Variants in OR9Q2 observed in about 807,000 individuals in gnomAD.
The protein encoded by OR9Q2 is olfactory receptor family 9 subfamily Q member 2, also known as olfactory receptor 9Q2.
OR9Q2 carries 2 observed loss-of-function variants against 2.3 expected under a neutral mutation model. The observed-to-expected ratio is 0.85, with a 90% CI of 0.35 to 2.68. The LOEUF is 2.68. OR9Q2 is among the 30% of genes most tolerant of loss of function. The pLI is 0.10. For synonymous variants in OR9Q2, 178 were observed against 158.6 expected, an observed-to-expected ratio of 1.12 and a Z score of -0.92; for missense variants, 404 against 395.7, an observed-to-expected ratio of 1.02 and a Z score of -0.18.
Position 58,190,936 on chromosome 11 carries a change from A to G in OR9Q2, c.446A>G (p.Tyr149Cys), listed in dbSNP as rs1399630558. Reference protein sequence around the residue: ...KARWGLVTGAYVAGFFSAFVR... With the variant: ...KARWGLVTGACVAGFFSAFVR... Reference sequence around the variant, plus strand: ...CGCTGGGGCCTAGTCACTGGGGCTTACGTTGCTGGTTTTTTCAGTGCCTTT... The same window carrying G: ...CGCTGGGGCCTAGTCACTGGGGCTTGCGTTGCTGGTTTTTTCAGTGCCTTT... The change falls in exon 2 of 2, where the codon TAC (tyrosine) becomes TGC (cysteine). Residue 149 changes from tyrosine (Y) to cysteine (C), a missense_variant. By Grantham distance (194) the Tyr-to-Cys change is radical (BLOSUM62 -2). Transcript: ENST00000641291. 6.2e-7 allele frequency: 1 copy of G among 1,614,180 alleles called. No homozygotes were observed. Among genetic ancestry groups the G allele is most frequent in the South Asian group, 1.1e-5 (1 of 91,076 alleles).
Position 58,190,961 on chromosome 11 carries a change from TG to T in OR9Q2, c.472del (p.Val158PhefsTer28). 1 of 1,614,226 alleles carries T rather than the reference TG, an allele frequency of 6.2e-7. No homozygotes were observed. The highest frequency in any genetic ancestry group is 8.5e-7 in the Non-Finnish European group (1 of 1,180,036). ...AYVAGFFSAF[V>X]RTVTAFTLSF... ...ACGTTGCTGGTTTTTTCAGTGCCTT[TG>T]TTCGAACGGTCACAGCCTTCACTCT... On this transcript the variant is annotated frameshift_variant, in exon 2 of 2. Transcript: ENST00000641291. LOFTEE classifies it high-confidence loss of function.
rs901764697 is a variant in OR9Q2 at position 58,193,458 on chromosome 11, C to A, written c.*2023C>A. The A allele has an allele frequency of 3.3e-5, 5 of 152,122 alleles. No homozygotes were observed. Among genetic ancestry groups the A allele is most frequent in the African/African-American group, 1.2e-4 (5 of 41,418 alleles). The allele number at this position is 152,122 out of a possible 1,614,324, so 9.4% of individuals were successfully genotyped here. On this transcript the variant is annotated 3_prime_UTR_variant, in exon 2 of 2. Transcript: ENST00000641291. ...GTTAATGAAAAGTAATTTTTATTGA[C>A]CCCATTTAGCAAAACAAAAAAGAAA...
chr11:58,189,311 C>G (rs1014735577), intron 1 of OR9Q2, among the ~76,000 whole-genome samples: 4 of 152,098 alleles, frequency 2.6e-5, no homozygotes, highest in African/African-American at 9.7e-5. Context: ...AACTGAAGCC[C>G]AGAGAGGAAA....
Position 58,190,440 on chromosome 11 carries a change from G to A in OR9Q2, c.-51G>A, listed in dbSNP as rs768709421. On this transcript the variant is annotated 5_prime_UTR_variant, in exon 2 of 2. Coordinates refer to ENST00000641291, the MANE Select transcript of OR9Q2 (RefSeq NM_001005283.3). ...AAATCATTTGAACTCCTCTTGAGCT[G>A]TCCCCTCATCTGGCTCTTGTCTTAG... The A allele has an allele frequency of 2.9e-5, 37 of 1,262,318 alleles. No individual in the cohort carries two copies. Among genetic ancestry groups the A allele is most frequent in the East Asian group, 1.4e-4 (6 of 43,104 alleles). The allele number at this position is 1,262,318 out of a possible 1,614,324, so 78.2% of individuals were successfully genotyped here. A position where few individuals can be genotyped will look rare whatever the true frequency, so the allele number is the denominator to read the frequency against.
rs2867403 is a variant in OR9Q2, at chr11:58,192,733, A to G, written c.*1298A>G. The G allele has an allele frequency of 0.99, 150,620 of 152,324 alleles. 74,489 individuals carry two copies. The highest frequency in any genetic ancestry group is 1 in the Middle Eastern group (294 of 294). The allele number at this position is 152,324 out of a possible 1,614,324, so 9.4% of individuals were successfully genotyped here. A position where few individuals can be genotyped will look rare whatever the true frequency, so the allele number is the denominator to read the frequency against. ...AGGAAAAGGTATAGGGAAAAAATGA[A>G]CACCTATGGCCAAGAGGTTTGGGAT... On this transcript the variant is annotated 3_prime_UTR_variant, in exon 2 of 2. Transcript: ENST00000641291.
chr11:58,189,298 G>A lies in OR9Q2; in HGVS notation c.-173+190G>A, dbSNP rs149459577. On this transcript the variant is annotated intron_variant, in intron 1 of 1. Coordinates refer to ENST00000641291, the MANE Select transcript of OR9Q2 (RefSeq NM_001005283.3). The stretch of plus-strand genomic sequence containing the variant: ...ATTTACGGAAAGGGAACAAAGGCAA[G>A]GTAACTGAAGCCCAGAGAGGAAACG... Among the ~76,000 whole-genome samples, 799 of 152,300 alleles carry A rather than the reference G, an allele frequency of 5.2e-3. 7 individuals are homozygous for A. The highest frequency in any genetic ancestry group is 0.019 in the African/African-American group (769 of 41,550).
Position 58,191,206 on chromosome 11 carries a change from C to T in OR9Q2, c.716C>T (p.Ser239Phe), listed in dbSNP as rs1288913776. Reference sequence around the variant, plus strand: ...GCTGGAGGCCGGGCCAAGACCTTCTCCACCTGCGCCTCCCACCTCACTGCC... The same window carrying T: ...GCTGGAGGCCGGGCCAAGACCTTCTTCACCTGCGCCTCCCACCTCACTGCC... The part of the protein sequence containing the change: ...HSAGGRAKTF[S>F]TCASHLTAVA... The change falls in exon 2 of 2, where the codon TCC (serine) becomes TTC (phenylalanine). Residue 239 changes from serine to phenylalanine, a missense_variant. Ser to Phe is a radical substitution (Grantham distance 155, BLOSUM62 -2). Coordinates refer to ENST00000641291, the MANE Select transcript of OR9Q2 (RefSeq NM_001005283.3). 23 of 1,614,062 alleles carry T rather than the reference C, an allele frequency of 1.4e-5. No homozygotes were observed. The highest frequency in any genetic ancestry group is 1.9e-5 in the Non-Finnish European group (23 of 1,180,040).
Position 58,190,495 on chromosome 11 carries a change from C to T in OR9Q2, c.5C>T (p.Ala2Val). 1.2e-6 allele frequency: 2 copies of T among 1,610,544 alleles called. No individual in the cohort carries two copies. Among genetic ancestry groups the T allele is most frequent in the Non-Finnish European group, 1.7e-6 (2 of 1,177,410 alleles). Residue 2 changes from alanine (A) to valine (V), a missense_variant, in exon 2 of 2, where the codon GCT (alanine) becomes GTT (valine). Ala to Val is a moderately conservative substitution (Grantham distance 64). Coordinates refer to ENST00000641291, the MANE Select transcript of OR9Q2 (RefSeq NM_001005283.3). ...TGCAGGTGAACCACTGGATGGATGG[C>T]TGAAAGGAATTACACCGTAGTGACG... M[A>V]ERNYTVVTEF... is the part of the protein sequence containing the mutation.
intron 1 of OR9Q2, 102 bp from the exon 2 acceptor site, chr11:58,190,217 G>T (rs1854744810): frequency 2.4e-6 from 1 of 418,730 alleles, no homozygotes; most frequent in Non-Finnish European, 4.3e-6. Flanking sequence ...GCTAATTGGG[G>T]ACAGAGTTGC....
rs1185101222 is a variant in OR9Q2, at chr11:58,193,701, T to C, written c.*2266T>C. 9 of 152,194 alleles carry C rather than the reference T, an allele frequency of 5.9e-5. No homozygotes were observed. The highest frequency in any genetic ancestry group is 1.2e-4 in the Non-Finnish European group (8 of 68,050). 9.4% of individuals were successfully genotyped at this position (152,194 alleles called of 1,614,324 possible). A position where few individuals can be genotyped will look rare whatever the true frequency, so the allele number is the denominator to read the frequency against. On this transcript the variant is annotated 3_prime_UTR_variant, in exon 2 of 2. Transcript: ENST00000641291. ...ATTTCAGTTGCATTCTTGATCTCCA[T>C]GTTTGGTAGGTGTGGGCTGAGATGG...
rs1854745612 is a variant in OR9Q2 at position 58,190,322 on chromosome 11, G to A, written c.-169G>A. On this transcript the variant is annotated 5_prime_UTR_variant, in exon 2 of 2. Transcript: ENST00000641291. ...CACTTTTTATCTTATATTACAGTGAGCTCAATATCTGTCTATATCTATCTT... is the reference window on the plus strand; with the variant it reads ...CACTTTTTATCTTATATTACAGTGAACTCAATATCTGTCTATATCTATCTT... 5.1e-6 allele frequency: 3 copies of A among 589,918 alleles called. No individual in the cohort carries two copies. The highest frequency in any genetic ancestry group is 2.2e-5 in the South Asian group (1 of 45,484). The allele number at this position is 589,918 out of a possible 1,614,324, so 36.5% of individuals were successfully genotyped here. A position where few individuals can be genotyped will look rare whatever the true frequency, so the allele number is the denominator to read the frequency against.
At position 58,191,218 on chromosome 11, in the gene OR9Q2, C is replaced by G. The variant is rs778150232; in HGVS notation, c.728C>G (p.Ser243Cys). 3.7e-6 allele frequency: 6 copies of G among 1,614,168 alleles called. No individual in the cohort carries two copies. The highest frequency in any genetic ancestry group is 1.1e-5 in the South Asian group (1 of 91,084). Reference sequence around the variant, plus strand: ...GCCAAGACCTTCTCCACCTGCGCCTCCCACCTCACTGCCGTCGCTCTTTTC... The same window carrying G: ...GCCAAGACCTTCTCCACCTGCGCCTGCCACCTCACTGCCGTCGCTCTTTTC... ...GRAKTFSTCA[S>C]HLTAVALFFG... Residue 243 changes from serine to cysteine, a missense_variant, in exon 2 of 2, where the codon TCC (serine) becomes TGC (cysteine). Physicochemically the swap from Ser to Cys is moderately radical, Grantham distance 112 (BLOSUM62 -1). Transcript: ENST00000641291.
At position 58,191,112 on chromosome 11, in the gene OR9Q2, C is replaced by A; in HGVS notation, c.622C>A (p.Pro208Thr). 6.2e-7 allele frequency: 1 copy of A among 1,614,164 alleles called. No homozygotes were observed. The highest frequency in any genetic ancestry group is 1.1e-5 in the South Asian group (1 of 91,084). The change falls in exon 2 of 2, where the codon CCT (proline) becomes ACT (threonine). Residue 208 changes from proline to threonine, a missense_variant. Physicochemically the swap from Pro to Thr is conservative, Grantham distance 38. Coordinates refer to ENST00000641291, the MANE Select transcript of OR9Q2 (RefSeq NM_001005283.3). ...TATTGTGTTTGCTCTTTTCGTCATG[C>A]CTGCCTGTATCTTGGTGATCTTGGT... ...VIIVFALFVMPACILVILVSY... is the reference protein window; with the variant it reads ...VIIVFALFVMTACILVILVSY...
In OR9Q2 at chr11:58,191,188, G is replaced by A. The variant is rs150354129; in HGVS notation, c.698G>A (p.Gly233Asp). Reference sequence around the variant, plus strand: ...ATCCTGCAGATCCACTCTGCTGGAGGCCGGGCCAAGACCTTCTCCACCTGC... The same window carrying A: ...ATCCTGCAGATCCACTCTGCTGGAGACCGGGCCAAGACCTTCTCCACCTGC... The part of the protein sequence containing the change: ...VAILQIHSAG[G>D]RAKTFSTCAS... The change falls in exon 2 of 2, where the codon GGC becomes GAC. Residue 233 changes from glycine to aspartate, a missense_variant. Transcript: ENST00000641291. 38 of 1,614,098 alleles carry A rather than the reference G, an allele frequency of 2.4e-5. No individual in the cohort carries two copies. The African/African-American group carries it at 4.9e-4, about 21-fold the overall frequency.
rs960878338 is a variant in OR9Q2 at position 58,193,876 on chromosome 11, G to C, written c.*2441G>C. The C allele has an allele frequency of 1.3e-5, 2 of 152,202 alleles. No homozygotes were observed. The highest frequency in any genetic ancestry group is 2.4e-5 in the African/African-American group (1 of 41,450). 9.4% of individuals were successfully genotyped at this position (152,202 alleles called of 1,614,324 possible). A position where few individuals can be genotyped will look rare whatever the true frequency, so the allele number is the denominator to read the frequency against. On this transcript the variant is annotated 3_prime_UTR_variant, in exon 2 of 2. Coordinates refer to ENST00000641291, the MANE Select transcript of OR9Q2 (RefSeq NM_001005283.3). The stretch of plus-strand genomic sequence containing the variant: ...AAGTATTGCCTTCAAAGCCCTTCCA[G>C]AATATCTCTTGGCTCAGAGTGCTTC...
chr11:58,192,433 C>T lies in OR9Q2; in HGVS notation c.*998C>T, dbSNP rs977266965. On this transcript the variant is annotated 3_prime_UTR_variant, in exon 2 of 2. Coordinates refer to ENST00000641291, the MANE Select transcript of OR9Q2 (RefSeq NM_001005283.3). Reference sequence around the variant, plus strand: ...TGCCTATTCTATATAATCACTCAACCGGAATTTATTGTTATTGCTCTTTTC... The same window carrying T: ...TGCCTATTCTATATAATCACTCAACTGGAATTTATTGTTATTGCTCTTTTC... 1.3e-5 allele frequency: 2 copies of T among 152,072 alleles called. No homozygotes were observed. Among genetic ancestry groups the T allele is most frequent in the African/African-American group, 2.4e-5 (1 of 41,396 alleles). The allele number at this position is 152,072 out of a possible 1,614,324, so 9.4% of individuals were successfully genotyped here.
At position 58,191,478 on chromosome 11, in the gene OR9Q2, T is replaced by C. The variant is rs1854764755; in HGVS notation, c.*43T>C. On this transcript the variant is annotated 3_prime_UTR_variant, in exon 2 of 2. Transcript: ENST00000641291. The stretch of plus-strand genomic sequence containing the variant: ...ATATCATTCCTTAGTTTCCCCATCT[T>C]TTCTGTCTTTTCTCAATAGCACCTT... The C allele has an allele frequency of 1.4e-6, 2 of 1,379,484 alleles. No individual in the cohort carries two copies. Among genetic ancestry groups the C allele is most frequent in the Middle Eastern group, 1.9e-4 (1 of 5,378 alleles). The allele number at this position is 1,379,484 out of a possible 1,614,324, so 85.5% of individuals were successfully genotyped here. A position where few individuals can be genotyped will look rare whatever the true frequency, so the allele number is the denominator to read the frequency against.
In OR9Q2 at chr11:58,191,404, T is replaced by G. The variant is rs779485560; in HGVS notation, c.914T>G (p.Leu305Arg). The change falls in exon 2 of 2, where the codon CTG becomes CGG. Residue 305 changes from leucine to arginine, a missense_variant. Coordinates refer to ENST00000641291, the MANE Select transcript of OR9Q2 (RefSeq NM_001005283.3). ...KEVKEATRKALSKSKPARRP is the reference protein window; with the variant it reads ...KEVKEATRKARSKSKPARRP ...GTAAAAGAGGCCACTAGGAAAGCCCTGAGCAAATCAAAGCCTGCTAGAAGA... is the reference window on the plus strand; with the variant it reads ...GTAAAAGAGGCCACTAGGAAAGCCCGGAGCAAATCAAAGCCTGCTAGAAGA... The G allele has an allele frequency of 4.4e-6, 7 of 1,607,748 alleles. No individual in the cohort carries two copies. The highest frequency in any genetic ancestry group is 5.9e-6 in the Non-Finnish European group (7 of 1,176,822).
At position 58,191,032 on chromosome 11, in the gene OR9Q2, T is replaced by C; in HGVS notation, c.542T>C (p.Leu181Pro). 6.2e-7 allele frequency: 1 copy of C among 1,614,150 alleles called. No individual in the cohort carries two copies. The highest frequency in any genetic ancestry group is 1.1e-5 in the South Asian group (1 of 91,086). The change falls in exon 2 of 2, where the codon CTC becomes CCC. Residue 181 changes from leucine (L) to proline (P), a missense_variant. Transcript: ENST00000641291. Reference sequence around the variant, plus strand: ...GAGATCAACTTCATTTTCTGTGACCTCCCTCCTCTATTAAAACTCTCCTGT... The same window carrying C: ...GAGATCAACTTCATTTTCTGTGACCCCCCTCCTCTATTAAAACTCTCCTGT... ...NNEINFIFCD[L>P]PPLLKLSCGD...
Sources: gnomAD v4.1 joint callset for allele counts (sites outside exome capture counted in the v4.1 genomes callset) on GRCh38, gnomAD v4.1.1 for gene constraint, MANE v1.5 for transcripts, NCBI Gene and HGNC (gene_info 2026-07-23, HGNC 2026-07-21) for gene names.